Variants in RPGRIP1 observed in about 807,000 individuals in gnomAD.
The protein encoded by RPGRIP1 is X-linked retinitis pigmentosa GTPase regulator-interacting protein 1.
RPGRIP1 carries 128 observed loss-of-function variants against 157.9 expected under a neutral mutation model. The observed-to-expected ratio is 0.81, with a 90% CI of 0.70 to 0.94. The LOEUF is 0.94. RPGRIP1 is among the 40% of genes least tolerant of loss of function. RPGRIP1 has a pLI of 0.00. For synonymous variants in RPGRIP1, 554 were observed against 571.6 expected, an observed-to-expected ratio of 0.97 and a Z score of 0.44; for missense variants, 1,486 against 1,545.8, an observed-to-expected ratio of 0.96 and a Z score of 0.65.
intron 24 of RPGRIP1, among the ~76,000 whole-genome samples, chr14:21,348,756 C>T (rs959010960): frequency 2.0e-5 from 3 of 151,110 alleles, no homozygotes; most frequent in Non-Finnish European, 4.4e-5. Flanking sequence ...ACCTCTGCCT[C>T]CCAGGTTCCA....
At chr14:21,299,680 A>G (rs1173816781) in intron 3 of RPGRIP1, among the ~76,000 whole-genome samples, 1 of 152,190 alleles carries the variant, frequency 6.6e-6, no homozygotes, top group East Asian at 1.9e-4. Flanking sequence ...CTGAGCACAG[A>G]AAGGTTAAGT....
At chr14:21,322,859 CT>C (rs574625363) in intron 14 of RPGRIP1, among the ~76,000 whole-genome samples, 91 of 152,282 alleles carry the variant, frequency 6.0e-4, no homozygotes, top group African/African-American at 2.2e-3. Context: ...ATTGTGGTGC[CT>C]CCTATACTTA....
chr14:21,303,742 T>C (rs995355725), intron 6 of RPGRIP1, among the ~76,000 whole-genome samples, 199 bp downstream of exon 6: 3 of 152,108 alleles, frequency 2.0e-5, no homozygotes, highest in Admixed American at 6.6e-5. Context: ...ATCCCAGCAC[T>C]TTGGGAGGCC....
Position 21,330,327 on chromosome 14 carries a change from G to A in RPGRIP1, c.3178G>A (p.Glu1060Lys). 1.3e-6 allele frequency: 2 copies of A among 1,581,944 alleles called. No homozygotes were observed. The highest frequency in any genetic ancestry group is 1.7e-6 in the Non-Finnish European group (2 of 1,166,760). ...TGGCTTTAAAAATCAGCACGAGGAA[G>A]AGGAAATGACATTATCCCATTCAGC... Reference protein sequence around the residue: ...GDGFKNQHEEEEMTLSHSALK... With the variant: ...GDGFKNQHEEKEMTLSHSALK... Residue 1060 changes from glutamate (E) to lysine (K), a missense_variant, in exon 20 of 25, where the codon GAG becomes AAG. By Grantham distance (56) the Glu-to-Lys change is moderately conservative (BLOSUM62 1). Transcript: ENST00000400017.
At chr14:21,302,865 G>GTGTTTTTTTT (rs1187505557) in intron 5 of RPGRIP1, 1 of 88,198 alleles carries the variant, frequency 1.1e-5, no homozygotes, top group African/African-American at 4.7e-5. Context: ...CCTTTGTTGT[G>GTGTTTTTTTT]TTTTTTTTTT....
intron 6 of RPGRIP1, among the ~76,000 whole-genome samples, chr14:21,305,323 T>C (rs925284577): frequency 1.3e-5 from 2 of 152,224 alleles, no homozygotes; most frequent in Admixed American, 1.3e-4. Context: ...CCTTTTCAAA[T>C]TGGCTTCTTT....
At chr14:21,303,244 T>C in intron 5 of RPGRIP1, 87 bp from the exon 6 acceptor site, 2 of 863,092 alleles carry the variant, frequency 2.3e-6, no homozygotes, top group Admixed American at 2.5e-5. Context: ...CCAAGGTTAC[T>C]GATTCACTTA....
chr14:21,319,912 CATT>C, intron 11 of RPGRIP1, 102 bp from the exon 12 acceptor site: 1 of 1,084,104 alleles, frequency 9.2e-7, no homozygotes, highest in Non-Finnish European at 1.3e-6. Flanking sequence ...AAATTTATAA[CATT>C]AATTAAACCT....
intron 2 of RPGRIP1, 131 bp from the exon 3 acceptor site, chr14:21,294,546 T>A: frequency 1.1e-6 from 1 of 912,496 alleles, no homozygotes; most frequent in Non-Finnish European, 1.6e-6. Flanking sequence ...TTTCTCATAC[T>A]TCCTGATTTC....
intron 2 of RPGRIP1, among the ~76,000 whole-genome samples, chr14:21,288,344 C>A (rs1158631956): frequency 6.6e-6 from 1 of 151,630 alleles, no homozygotes; most frequent in Non-Finnish European, 1.5e-5. Flanking sequence ...CCATGCCTGG[C>A]TAGTTTTGGG....
At position 21,326,165 on chromosome 14, in the gene RPGRIP1, C is replaced by A; in HGVS notation, c.2702C>A (p.Ser901Tyr). ...TTACTGCCTCTTGCAAAAAATGAATCTATCAAAGGTGGGAGTTCGAGGTTA... is the reference window on the plus strand; with the variant it reads ...TTACTGCCTCTTGCAAAAAATGAATATATCAAAGGTGGGAGTTCGAGGTTA... ...VPLLPLAKNE[S>Y]IKGDFNLTDP... The change falls in exon 17 of 25, where the codon TCT (serine) becomes TAT (tyrosine). Residue 901 changes from serine to tyrosine, a missense_variant. Ser to Tyr is a moderately radical substitution (Grantham distance 144). Transcript: ENST00000400017. 1 of 1,566,720 alleles carries A rather than the reference C, an allele frequency of 6.4e-7. No individual in the cohort carries two copies. The highest frequency in any genetic ancestry group is 8.7e-7 in the Non-Finnish European group (1 of 1,155,282).
At position 21,325,048 on chromosome 14, in the gene RPGRIP1, C is replaced by A; in HGVS notation, c.2193C>A (p.Val731=). The A allele has an allele frequency of 6.2e-7, 1 of 1,611,532 alleles. No individual in the cohort carries two copies. The highest frequency in any genetic ancestry group is 1.1e-5 in the South Asian group (1 of 90,990). Reference sequence around the variant, plus strand: ...GGGTGCTAGAGACTGTGGAGAAAGTCCATGGCTTGGCCACACTGATTGGTA... The same window carrying A: ...GGGTGCTAGAGACTGTGGAGAAAGTACATGGCTTGGCCACACTGATTGGTA... ...FDRVLETVEK[V]HGLATLIGAG... is the part of the protein sequence containing the mutation. Residue 731 remains valine, a synonymous_variant, in exon 15 of 25, where the codon GTC becomes GTA. Transcript: ENST00000400017.
chr14:21,349,881 G>A (rs951307793), intron 24 of RPGRIP1, among the ~76,000 whole-genome samples: 1 of 152,170 alleles, frequency 6.6e-6, no homozygotes, highest in Admixed American at 6.6e-5. Context: ...GGACTGCGCT[G>A]TCCAGTCTTC....
At chr14:21,335,445 G>GT (rs895668725) in intron 21 of RPGRIP1, among the ~76,000 whole-genome samples, 7 of 151,916 alleles carry the variant, frequency 4.6e-5, no homozygotes, top group African/African-American at 1.7e-4. Context: ...CATTTCTGCT[G>GT]TTTTTTACTC....
chr14:21,281,704 AAATAATAAT>A lies in RPGRIP1; in HGVS notation c.-39+1570_-39+1578del, dbSNP rs59116272. On this transcript the variant is annotated intron_variant, in intron 1 of 24. Coordinates refer to ENST00000400017, the MANE Select transcript of RPGRIP1 (RefSeq NM_020366.4). ...ACCTTGTCTCAAAAAAAAAAAAAAT[AAATAATAAT>A]AATAATAATAATAATAATAATAATC... 5.5e-4 allele frequency among the ~76,000 whole-genome samples: 74 copies of A among 133,970 alleles called. No homozygotes were observed. The South Asian group carries it at 8.6e-3, about 16-fold the overall frequency. The allele number at this position is 133,970 out of a possible 152,430, so 87.9% of individuals were successfully genotyped here. A position where few individuals can be genotyped will look rare whatever the true frequency, so the allele number is the denominator to read the frequency against.
intron 6 of RPGRIP1, among the ~76,000 whole-genome samples, chr14:21,306,092 C>A (rs1181050528): frequency 7.3e-6 from 1 of 136,228 alleles, no homozygotes; most frequent in African/African-American, 2.8e-5. Flanking sequence ...ACGTGAGCTC[C>A]TAGGTTCAGG....
At chr14:21,295,426 T>C (rs899224017) in intron 3 of RPGRIP1, among the ~76,000 whole-genome samples, 2 of 152,006 alleles carry the variant, frequency 1.3e-5, no homozygotes, top group African/African-American at 4.8e-5. Flanking sequence ...TGCAGGCATG[T>C]TGTAAGTGCT....
In RPGRIP1 at chr14:21,311,827, C is replaced by A. The variant is rs1378254850; in HGVS notation, c.934C>A (p.Gln312Lys). The A allele has an allele frequency of 3.1e-6, 5 of 1,598,252 alleles. No homozygotes were observed. Among genetic ancestry groups the A allele is most frequent in the Non-Finnish European group, 4.3e-6 (5 of 1,174,420 alleles). The change falls in exon 9 of 25, where the codon CAG becomes AAG. Residue 312 changes from glutamine (Q) to lysine (K), a missense_variant. Gln to Lys is a moderately conservative substitution (Grantham distance 53). Transcript: ENST00000400017. ...EAYETLLQKN[Q>K]GILSAAHEAL... ...AGGTACTTTCCTTTTGACCCAGAAT[C>A]AGGGAATCCTGAGTGCAGCCCATGA...
chr14:21,286,816 CTGGAGACAAAAATTT>C (rs754946524), intron 1 of RPGRIP1, among the ~76,000 whole-genome samples: 31 of 151,856 alleles, frequency 2.0e-4, no homozygotes, highest in Non-Finnish European at 3.7e-4. Flanking sequence ...AAATCTGAAG[CTGGAGACAAAAATTT>C]TGGAGACAAA....
Sources: gnomAD v4.1 joint callset for allele counts (sites outside exome capture counted in the v4.1 genomes callset) on GRCh38, gnomAD v4.1.1 for gene constraint, MANE v1.5 for transcripts, NCBI Gene and HGNC (gene_info 2026-07-23, HGNC 2026-07-21) for gene names.